The following PLEKHM1 variants were observed in gnomAD, a reference collection of about 807,000 sequenced individuals.
The protein encoded by PLEKHM1 is pleckstrin homology and RUN domain containing M1.
A neutral mutation model predicts 94.3 loss-of-function variants in PLEKHM1; 28 were observed. That is an observed-to-expected ratio of 0.30 (90% CI 0.22 to 0.41). The LOEUF is 0.41. Ranked by LOEUF, PLEKHM1 falls within the 10% of genes least tolerant of loss-of-function variation. The pLI is 1.00. For synonymous variants in PLEKHM1, 424 were observed against 581.2 expected (o/e 0.73, Z 3.89); for missense variants, 907 against 1,358.6 (o/e 0.67, Z 5.22).
intron 5 of PLEKHM1, among the ~76,000 whole-genome samples, chr17:45,465,354 G>A (rs1005134962): frequency 3.3e-5 from 5 of 152,006 alleles, no homozygotes; most frequent in Admixed American, 1.3e-4. Context: ...ACGGGGGTCC[G>A]GTCAGGGAAG....
At chr17:45,443,456 T>C (rs1368617443) in intron 9 of PLEKHM1, among the ~76,000 whole-genome samples, 1 of 152,232 alleles carries the variant, frequency 6.6e-6, no homozygotes, top group Non-Finnish European at 1.5e-5. Flanking sequence ...CCATGCTGTT[T>C]CCATGGGACT....
At chr17:45,441,955 G>A (rs1303467340) in intron 9 of PLEKHM1, among the ~76,000 whole-genome samples, 2 of 152,200 alleles carry the variant, frequency 1.3e-5, no homozygotes, top group African/African-American at 4.8e-5. Context: ...GAAGGAAAGG[G>A]CCAGGCAAGG....
intron 11 of PLEKHM1, 64 bp from the exon 12 acceptor site, chr17:45,438,033 G>A (rs1300800654): frequency 1.6e-5 from 21 of 1,274,902 alleles, no homozygotes; most frequent in Non-Finnish European, 2.0e-5. Context: ...TGGCCACGCT[G>A]GCCAGCCCTT....
intron 1 of PLEKHM1, among the ~76,000 whole-genome samples, chr17:45,486,085 T>C (rs2052106000): frequency 6.9e-6 from 1 of 144,004 alleles, no homozygotes; most frequent in East Asian, 2.1e-4. Flanking sequence ...GGTGCAGTGG[T>C]GAGCGCCTGT....
In PLEKHM1 at chr17:45,437,161, C is replaced by G; in HGVS notation, c.*697G>C. On this transcript the variant is annotated 3_prime_UTR_variant, in exon 12 of 12. Coordinates refer to ENST00000430334, the MANE Select transcript of PLEKHM1 (RefSeq NM_014798.3). The surrounding 1 kb of genome is among the most constrained non-coding windows in gnomAD (Gnocchi z 4.0). ...GCTCTGACGCTGAGAAAGCGGTGGGCTCAGCAGGCGAGACGCACTGGGGTG... is the reference window on the plus strand; with the variant it reads ...GCTCTGACGCTGAGAAAGCGGTGGGGTCAGCAGGCGAGACGCACTGGGGTG... 1 of 453,254 alleles carries G rather than the reference C, an allele frequency of 2.2e-6. No individual in the cohort carries two copies. The highest frequency in any genetic ancestry group is 4.4e-6 in the Non-Finnish European group (1 of 225,864). 28.1% of individuals were successfully genotyped at this position (453,254 alleles called of 1,614,324 possible).
chr17:45,474,393 C>A (rs991506967), intron 4 of PLEKHM1, among the ~76,000 whole-genome samples: 2 of 152,130 alleles, frequency 1.3e-5, no homozygotes, highest in African/African-American at 4.8e-5. Flanking sequence ...GAAGAAGGCT[C>A]TGCCCAGTTC....
At chr17:45,485,989 G>C (rs1210280474) in intron 1 of PLEKHM1, among the ~76,000 whole-genome samples, 2 of 151,308 alleles carry the variant, frequency 1.3e-5, no homozygotes, top group African/African-American at 4.9e-5. Flanking sequence ...GGCCGAGGCC[G>C]GCGGATCACG....
chr17:45,451,159 C>T (rs941196315), intron 7 of PLEKHM1, among the ~76,000 whole-genome samples: 2 of 152,074 alleles, frequency 1.3e-5, no homozygotes, highest in Non-Finnish European at 2.9e-5. Flanking sequence ...TCTAGGTCCA[C>T]CCCTCCACTC....
At chr17:45,454,316 T>C (rs1487992729) in intron 6 of PLEKHM1, 44 bp from the exon 7 acceptor site, 1 of 1,523,408 alleles carries the variant, frequency 6.6e-7, no homozygotes, top group East Asian at 2.4e-5. Flanking sequence ...GGCGGGCCTG[T>C]CTCTGTCCTG....
intron 4 of PLEKHM1, among the ~76,000 whole-genome samples, chr17:45,473,221 C>A (rs2051573857): frequency 6.6e-6 from 1 of 152,210 alleles, no homozygotes; most frequent in Non-Finnish European, 1.5e-5. Context: ...ACACAGGCCC[C>A]AGCACCCATT....
Position 45,445,352 on chromosome 17 carries a change from G to T in PLEKHM1, c.2837+118C>A. On this transcript the variant is annotated intron_variant, in intron 9 of 11. Transcript: ENST00000430334. This position sits in a 1 kb window ranked among gnomAD's most constrained non-coding sequence, Gnocchi z 4.2. The stretch of plus-strand genomic sequence containing the variant: ...ATTTGTGTATAAATTTATGTGTGTG[G>T]GTATGTGTGCACATGTGTATGTGTG... 1.3e-6 allele frequency: 1 copy of T among 758,592 alleles called. No homozygotes were observed. The allele number at this position is 758,592 out of a possible 1,614,324, so 47.0% of individuals were successfully genotyped here.
At chr17:45,477,875 CA>C in intron 3 of PLEKHM1, 24 bp downstream of exon 3, 1 of 1,613,018 alleles carries the variant, frequency 6.2e-7, no homozygotes, top group Non-Finnish European at 8.5e-7. Context: ...CTCCGCAAAG[CA>C]AAACCTCTCC....
chr17:45,477,935 A>G lies in PLEKHM1; in HGVS notation c.261T>C (p.Pro87=). The change falls in exon 3 of 12, where the codon CCT becomes CCC. Residue 87 remains proline, a synonymous_variant. Coordinates refer to ENST00000430334, the MANE Select transcript of PLEKHM1 (RefSeq NM_014798.3). ...KSAHQKPLPQ[P]VFWPLLKAVT... ...CAGCTTTCAGGAGGGGCCAGAAGAC[A>G]GGCTGGGGCAGAGGCTTCTGGTGGG... 2 of 1,614,082 alleles carry G rather than the reference A, an allele frequency of 1.2e-6. No homozygotes were observed. The highest frequency in any genetic ancestry group is 2.2e-5 in the South Asian group (2 of 91,046).
In PLEKHM1 at chr17:45,454,287, A is replaced by C; in HGVS notation, c.1580-15T>G. 1.3e-6 allele frequency: 2 copies of C among 1,585,646 alleles called. No individual in the cohort carries two copies. Among genetic ancestry groups the C allele is most frequent in the African/African-American group, 2.7e-5 (2 of 74,288 alleles). The stretch of plus-strand genomic sequence containing the variant: ...GTTGGACAGTCCTGGAGGCAGAGGC[A>C]AAAAGGGGCACATTAGTTGGCGGGC... On this transcript the variant is annotated splice_polypyrimidine_tract_variant and intron_variant, in intron 6 of 11. Transcript: ENST00000430334.
In PLEKHM1 at chr17:45,437,438, T is replaced by C. The variant is rs2050298809; in HGVS notation, c.*420A>G. Reference sequence around the variant, plus strand: ...CGTAGGGTCAAGAATAAAAAAATACTTTCTGTTGAAATATGAATGGGAAAA... The same window carrying C: ...CGTAGGGTCAAGAATAAAAAAATACCTTCTGTTGAAATATGAATGGGAAAA... On this transcript the variant is annotated 3_prime_UTR_variant, in exon 12 of 12. Coordinates refer to ENST00000430334, the MANE Select transcript of PLEKHM1 (RefSeq NM_014798.3). This position sits in a 1 kb window ranked among gnomAD's most constrained non-coding sequence, Gnocchi z 4.0. 2.2e-6 allele frequency: 1 copy of C among 460,924 alleles called. No individual in the cohort carries two copies. Among genetic ancestry groups the C allele is most frequent in the Non-Finnish European group, 4.3e-6 (1 of 231,470 alleles). 28.6% of individuals were successfully genotyped at this position (460,924 alleles called of 1,614,324 possible). A position where few individuals can be genotyped will look rare whatever the true frequency, so the allele number is the denominator to read the frequency against.
rs2050560456 is a variant in PLEKHM1, at chr17:45,445,055, C to T, written c.2837+415G>A. Among the ~76,000 whole-genome samples the T allele has an allele frequency of 1.3e-5, 2 of 152,284 alleles. No homozygotes were observed. Among genetic ancestry groups the T allele is most frequent in the South Asian group, 4.1e-4 (2 of 4,836 alleles). ...GGGTCGGCCCTGGCTCTGTCCTGCTCATTGTTGGAGCCTACATGCCTCGCC... is the reference window on the plus strand; with the variant it reads ...GGGTCGGCCCTGGCTCTGTCCTGCTTATTGTTGGAGCCTACATGCCTCGCC... On this transcript the variant is annotated intron_variant, in intron 9 of 11. Transcript: ENST00000430334. This position sits in a 1 kb window ranked among gnomAD's most constrained non-coding sequence, Gnocchi z 4.2.
intron 11 of PLEKHM1, among the ~76,000 whole-genome samples, chr17:45,438,330 G>C (rs911296219): frequency 6.6e-6 from 1 of 152,004 alleles, no homozygotes; most frequent in Admixed American, 6.5e-5. Context: ...TCAGGAGATC[G>C]AGACCATCCT....
At chr17:45,449,673 C>G (rs1426823144) in intron 8 of PLEKHM1, among the ~76,000 whole-genome samples, 1 of 149,220 alleles carries the variant, frequency 6.7e-6, no homozygotes, top group Non-Finnish European at 1.5e-5. Flanking sequence ...TAGCCACCTG[C>G]TCATCCACCT....
In PLEKHM1 at chr17:45,440,302, C is replaced by T; in HGVS notation, c.2838-76G>A. On this transcript the variant is annotated intron_variant, in intron 9 of 11. Coordinates refer to ENST00000430334, the MANE Select transcript of PLEKHM1 (RefSeq NM_014798.3). The stretch of plus-strand genomic sequence containing the variant: ...TAGCCTGTGTTGTTTGTTTACACTC[C>T]CCTGGCGCTGCTCACCAGGCAGACA... 6.3e-6 allele frequency: 9 copies of T among 1,421,426 alleles called. 1 individual carries two copies. The highest frequency in any genetic ancestry group is 8.9e-6 in the Non-Finnish European group (9 of 1,006,692). 88.1% of individuals were successfully genotyped at this position (1,421,426 alleles called of 1,614,324 possible).
Sources: allele counts gnomAD v4.1 joint callset (sites outside exome capture counted in the v4.1 genomes callset), GRCh38; gene constraint gnomAD v4.1.1; non-coding constraint Gnocchi (gnomAD v3.1); transcripts MANE v1.5; gene names NCBI Gene and HGNC (gene_info 2026-07-23, HGNC 2026-07-21).